The following RAB3GAP2 variants were observed in gnomAD, a reference collection of about 807,000 sequenced individuals.
RAB3GAP2 encodes rab3 GTPase-activating protein non-catalytic subunit.
Under a neutral mutation model 185.3 loss-of-function variants are expected in RAB3GAP2, and 87 were observed. The observed-to-expected ratio is 0.47, with a 90% confidence interval of 0.39 to 0.56. The LOEUF is 0.56. RAB3GAP2 is among the 20% of genes least tolerant of loss of function. The probability of loss-of-function intolerance (pLI) is 0.00; values close to 1 mark genes in which losing one functional copy is unlikely to be tolerated. For missense variants in RAB3GAP2, 1,492 were observed against 1,638.2 expected (o/e 0.91, Z 1.54); for synonymous variants, 554 against 576.1 (o/e 0.96, Z 0.55).
chr1:220,262,472 C>T (rs1571935959), intron 1 of RAB3GAP2, among the ~76,000 whole-genome samples: 1 of 152,114 alleles, frequency 6.6e-6, no homozygotes, highest in East Asian at 1.9e-4. Flanking sequence ...AAACAATTCC[C>T]GTTCTCCCTT....
chr1:220,148,912 A>G lies in RAB3GAP2; in HGVS notation c.*2339T>C, dbSNP rs1038151666. The G allele has an allele frequency of 6.6e-6, 1 of 152,178 alleles. No individual in the cohort carries two copies. 9.4% of individuals were successfully genotyped at this position (152,178 alleles called of 1,614,324 possible). The stretch of plus-strand genomic sequence containing the variant: ...CTTCAGCATTATACAATATAATTTA[A>G]TAAGATACAAATGCATATTTAATGT... On this transcript the variant is annotated 3_prime_UTR_variant, in exon 35 of 35. Transcript: ENST00000358951.
At chr1:220,184,197 T>G in intron 18 of RAB3GAP2, 34 bp from the exon 19 acceptor site, 1 of 1,562,894 alleles carries the variant, frequency 6.4e-7, no homozygotes, top group Non-Finnish European at 8.8e-7. Flanking sequence ...ATATAAGAGA[T>G]ATATTTAACA....
At chr1:220,234,480 A>T (rs1262767021) in intron 1 of RAB3GAP2, among the ~76,000 whole-genome samples, 1 of 152,250 alleles carries the variant, frequency 6.6e-6, no homozygotes, top group Non-Finnish European at 1.5e-5. Context: ...ATGCCAAATA[A>T]TTACTTCCTA....
chr1:220,266,897 T>G (rs1003322993), intron 1 of RAB3GAP2: 4 of 1,592,004 alleles, frequency 2.5e-6, no homozygotes, highest in Non-Finnish European at 3.4e-6. Flanking sequence ...ACCCGTGATA[T>G]TCTTTTGTAG....
rs1466458452 is a variant in RAB3GAP2, at chr1:220,239,143, C to T, written c.116-6280G>A. ...AACCTTTTGCATTTCAAAAGAAATA[C>T]AACAAATACAAAAGATTATGTTTTA... On this transcript the variant is annotated intron_variant, in intron 1 of 34. Transcript: ENST00000358951. Among the ~76,000 whole-genome samples the T allele has an allele frequency of 3.9e-5, 6 of 152,158 alleles. 1 individual carries two copies. The South Asian group carries it at 1.0e-3, about 26-fold the overall frequency.
At chr1:220,159,547 C>T in intron 28 of RAB3GAP2, 126 bp from the exon 29 acceptor site, 1 of 691,566 alleles carries the variant, frequency 1.4e-6, no homozygotes, top group African/African-American at 1.8e-5. Context: ...AATGTGACAG[C>T]CTCATTAATT....
At chr1:220,246,243 A>G (rs188419990) in intron 1 of RAB3GAP2, among the ~76,000 whole-genome samples, 102 of 152,310 alleles carry the variant, frequency 6.7e-4, no homozygotes, top group African/African-American at 2.4e-3. Flanking sequence ...TGCAGTTAGA[A>G]CGGCAATCAT....
chr1:220,262,061 G>A (rs1389658171), intron 1 of RAB3GAP2, among the ~76,000 whole-genome samples: 3 of 151,590 alleles, frequency 2.0e-5, no homozygotes, highest in South Asian at 4.2e-4. Context: ...AGGCCAAGGC[G>A]GGCAGATCAC....
chr1:220,196,262 G>A lies in RAB3GAP2; in HGVS notation c.948C>T (p.Phe316=), dbSNP rs770096510. The change falls in exon 10 of 35, where the codon TTC becomes TTT. Residue 316 remains phenylalanine (F), a synonymous_variant. Coordinates refer to ENST00000358951, the MANE Select transcript of RAB3GAP2 (RefSeq NM_012414.4). ...ATAAAACTCATACCTCTAAAGCATA[G>A]AAGAAGCCAGTAAATGGATTGGACC... The part of the protein sequence containing the change: ...TVGSNPFTGF[F]YALEGSTQPL... 3.7e-6 allele frequency: 6 copies of A among 1,613,244 alleles called. No homozygotes were observed. Among genetic ancestry groups the A allele is most frequent in the Non-Finnish European group, 5.1e-6 (6 of 1,179,342 alleles).
At chr1:220,213,373 C>T (rs1057181054) in intron 3 of RAB3GAP2, among the ~76,000 whole-genome samples, 13 of 152,028 alleles carry the variant, frequency 8.6e-5, no homozygotes, top group Non-Finnish European at 1.9e-4. Flanking sequence ...CACAATCTTA[C>T]TTTGATCAGT....
chr1:220,272,068 G>T (rs1236386100), intron 1 of RAB3GAP2, among the ~76,000 whole-genome samples, 155 bp downstream of exon 1: 2 of 151,850 alleles, frequency 1.3e-5, no homozygotes, highest in Non-Finnish European at 2.9e-5. Context: ...GGACGAGGTG[G>T]GCAGGGTGTC....
At chr1:220,265,333 T>C (rs902894800) in intron 1 of RAB3GAP2, among the ~76,000 whole-genome samples, 5 of 152,078 alleles carry the variant, frequency 3.3e-5, no homozygotes, top group African/African-American at 1.2e-4. Context: ...TGCTTTATAT[T>C]CTGGTTGGTA....
chr1:220,233,430 A>G (rs1264816256), intron 1 of RAB3GAP2, among the ~76,000 whole-genome samples: 3 of 152,230 alleles, frequency 2.0e-5, no homozygotes, highest in African/African-American at 4.8e-5. Context: ...GACGGTCAAC[A>G]ACAATGCAAC....
chr1:220,225,554 T>C (rs1475281763), intron 2 of RAB3GAP2, among the ~76,000 whole-genome samples: 2 of 152,182 alleles, frequency 1.3e-5, no homozygotes, highest in African/African-American at 4.8e-5. Flanking sequence ...AAGCCAAAAA[T>C]GTCTCTAGAT....
At position 220,167,350 on chromosome 1, in the gene RAB3GAP2, A is replaced by G. The variant is rs1223998570; in HGVS notation, c.3030T>C (p.Asp1010=). The change falls in exon 26 of 35, where the codon GAT becomes GAC. Residue 1010 remains aspartate, a synonymous_variant. Transcript: ENST00000358951. ...CCCAGCAGCAATGTGCATGCAAGAC[A>G]TCGAGCTCAAGGCTACAAGGAAACT... ...YEQFPCSLEL[D]VLHAHCCWEY... is the part of the protein sequence containing the mutation. The G allele has an allele frequency of 6.2e-7, 1 of 1,614,224 alleles. No homozygotes were observed. The highest frequency in any genetic ancestry group is 8.5e-7 in the Non-Finnish European group (1 of 1,180,016).
chr1:220,272,172 A>G, intron 1 of RAB3GAP2, 51 bp downstream of exon 1: 1 of 1,465,544 alleles, frequency 6.8e-7, no homozygotes, highest in Non-Finnish European at 9.4e-7. Flanking sequence ...ACCCGTGAGC[A>G]GAGGCCGCGG....
chr1:220,168,864 C>T (rs915863534), intron 24 of RAB3GAP2, among the ~76,000 whole-genome samples: 1 of 152,142 alleles, frequency 6.6e-6, no homozygotes, highest in Admixed American at 6.5e-5. Context: ...TGTTTATTAT[C>T]GAAAACAAAT....
At chr1:220,265,382 T>C (rs1317681151) in intron 1 of RAB3GAP2, among the ~76,000 whole-genome samples, 1 of 152,110 alleles carries the variant, frequency 6.6e-6, no homozygotes, top group Non-Finnish European at 1.5e-5. Flanking sequence ...ATTTTTAGTA[T>C]GTCAATAAGA....
At chr1:220,194,042 G>A (rs1478183902) in intron 12 of RAB3GAP2, among the ~76,000 whole-genome samples, 2 of 151,746 alleles carry the variant, frequency 1.3e-5, no homozygotes, top group Non-Finnish European at 1.5e-5. Flanking sequence ...ATGTTACAAT[G>A]TATTTTTTAA....
Sources: gnomAD v4.1 joint callset for allele counts (sites outside exome capture counted in the v4.1 genomes callset) on GRCh38, gnomAD v4.1.1 for gene constraint, MANE v1.5 for transcripts, NCBI Gene and HGNC (gene_info 2026-07-23, HGNC 2026-07-21) for gene names.